The following STK32B variants were observed in gnomAD, a reference collection of about 807,000 sequenced individuals.
STK32B encodes the protein serine/threonine-protein kinase 32B.
STK32B carries 43 observed loss-of-function variants against 52.6 expected under a neutral mutation model. The observed-to-expected ratio is 0.82, with a 90% confidence interval of 0.64 to 1.05. The LOEUF is 1.05. STK32B is among the 50% of genes least tolerant of loss of function. The probability of loss-of-function intolerance (pLI) is 0.00; values close to 1 mark genes in which losing one functional copy is unlikely to be tolerated. For missense variants in STK32B, 621 were observed against 534.6 expected (o/e 1.16, Z -1.59); for synonymous variants, 238 against 204.3 (o/e 1.17, Z -1.41).
intron 3 of STK32B, among the ~76,000 whole-genome samples, chr4:5,249,090 AAAT>A (rs1464421721): frequency 1.5e-4 from 22 of 146,764 alleles, no homozygotes; most frequent in African/African-American, 5.1e-4. Flanking sequence ...TAAAAAAATA[AAAT>A]AAAGATACTA....
intron 5 of STK32B, among the ~76,000 whole-genome samples, chr4:5,405,470 G>A (rs554668225): frequency 7.2e-5 from 11 of 152,286 alleles, no homozygotes; most frequent in South Asian, 2.1e-4. Flanking sequence ...AATCCCCAAG[G>A]TGATGGTGTT....
chr4:5,472,620 TAAG>T (rs1353127637), intron 11 of STK32B, among the ~76,000 whole-genome samples: 1 of 152,196 alleles, frequency 6.6e-6, no homozygotes, highest in Non-Finnish European at 1.5e-5. Context: ...TTTTGCAGAA[TAAG>T]AAGCTCCTGG....
At chr4:5,318,104 T>C (rs1177550864) in intron 3 of STK32B, among the ~76,000 whole-genome samples, 2 of 151,044 alleles carry the variant, frequency 1.3e-5, no homozygotes, top group Non-Finnish European at 3.0e-5. Context: ...CTTGTGCACG[T>C]GTGTGTGTGT....
At chr4:5,333,782 G>A (rs942753464) in intron 4 of STK32B, among the ~76,000 whole-genome samples, 3 of 151,804 alleles carry the variant, frequency 2.0e-5, no homozygotes, top group Non-Finnish European at 2.9e-5. Flanking sequence ...AGATCAGATA[G>A]TTGTAGATAT....
intron 3 of STK32B, among the ~76,000 whole-genome samples, chr4:5,299,204 G>C (rs1729398659): frequency 6.6e-6 from 1 of 151,984 alleles, no homozygotes; most frequent in African/African-American, 2.4e-5. Flanking sequence ...TTTTGCGTTG[G>C]TCTCGCTGGG....
At chr4:5,134,168 G>T (rs1020530770) in intron 1 of STK32B, among the ~76,000 whole-genome samples, 1 of 152,156 alleles carries the variant, frequency 6.6e-6, no homozygotes, top group Non-Finnish European at 1.5e-5. Flanking sequence ...GAAGGGCATC[G>T]CAGGCCCAGA....
At chr4:5,319,446 C>T (rs1209598831) in intron 3 of STK32B, among the ~76,000 whole-genome samples, 1 of 152,184 alleles carries the variant, frequency 6.6e-6, no homozygotes, top group African/African-American at 2.4e-5. Flanking sequence ...AGGACTTTCT[C>T]CTGTTTCCAA....
In STK32B at chr4:5,285,044, G is replaced by A. The variant is rs1728457849; in HGVS notation, c.261-46176G>A. Among the ~76,000 whole-genome samples, 4 of 152,214 alleles carry A rather than the reference G, an allele frequency of 2.6e-5. No individual in the cohort carries two copies. In the South Asian group the frequency reaches 8.3e-4, roughly 32 times the overall value. ...TTATAAACAGAGATGTAAACTTACA[G>A]TATCAATATAAAGTACAGTATTGTA... On this transcript the variant is annotated intron_variant, in intron 3 of 11. Coordinates refer to ENST00000282908, the MANE Select transcript of STK32B (RefSeq NM_018401.3).
chr4:5,025,327 CA>C, the STK32B span, among the ~76,000 whole-genome samples: 2 of 152,068 alleles, frequency 1.3e-5, no homozygotes, highest in African/African-American at 2.4e-5. Context: ...AGCACCCGTC[CA>C]GGGGGGAGGT....
intron 4 of STK32B, among the ~76,000 whole-genome samples, chr4:5,358,454 C>T (rs1295744570): frequency 6.6e-6 from 1 of 152,182 alleles, no homozygotes; most frequent in Non-Finnish European, 1.5e-5. Context: ...TTCCCGTGTT[C>T]TCCCTCCAGC....
At chr4:5,337,770 G>A (rs1305395822) in intron 4 of STK32B, among the ~76,000 whole-genome samples, 1 of 152,002 alleles carries the variant, frequency 6.6e-6, no homozygotes, top group African/African-American at 2.4e-5. Flanking sequence ...ACGTTGTACA[G>A]GACAACATCT....
intron 3 of STK32B, among the ~76,000 whole-genome samples, chr4:5,244,513 T>G (rs1375444215): frequency 6.7e-6 from 1 of 149,924 alleles, no homozygotes; most frequent in African/African-American, 2.5e-5. Flanking sequence ...TTTGTTGATC[T>G]TTTGAAAAAA....
At position 5,446,823 on chromosome 4, in the gene STK32B, G is replaced by A. The variant is rs558556393; in HGVS notation, c.666+47G>A. On this transcript the variant is annotated intron_variant, in intron 7 of 11. Transcript: ENST00000282908. ...TACACACGAGGGGCTGTGCAGTGGG[G>A]GCTCACGTTGTACCTGGACGGGCAG... is the stretch of plus-strand genomic sequence containing the variant. 29 of 1,590,316 alleles carry A rather than the reference G, an allele frequency of 1.8e-5. No homozygotes were observed. The Admixed American group carries it at 2.5e-4, about 14-fold the overall frequency.
At chr4:5,428,301 GGGAGGCTGA>G (rs1713267335) in intron 6 of STK32B, among the ~76,000 whole-genome samples, 2 of 152,070 alleles carry the variant, frequency 1.3e-5, no homozygotes, top group South Asian at 4.2e-4. Context: ...CCAACTACTC[GGGAGGCTGA>G]GGCAGGAGAA....
intron 11 of STK32B, among the ~76,000 whole-genome samples, chr4:5,472,427 T>C (rs1717916692): frequency 6.6e-6 from 1 of 152,246 alleles, no homozygotes; most frequent in African/African-American, 2.4e-5. Context: ...TGGTCTCAGC[T>C]GGCAAAAGGC....
chr4:5,313,662 C>A (rs758063127), intron 3 of STK32B, among the ~76,000 whole-genome samples: 2 of 151,960 alleles, frequency 1.3e-5, no homozygotes, highest in African/African-American at 2.4e-5. Flanking sequence ...TGTGTATGTG[C>A]GTGTGTGTGC....
intron 11 of STK32B, among the ~76,000 whole-genome samples, chr4:5,483,687 C>G (rs564145475): frequency 1.3e-4 from 20 of 152,166 alleles, no homozygotes; most frequent in Non-Finnish European, 2.6e-4. Flanking sequence ...GTTAGGGTAT[C>G]AATTTTAGAT....
intron 3 of STK32B, among the ~76,000 whole-genome samples, chr4:5,279,272 C>T (rs1728040079): frequency 1.3e-5 from 2 of 152,208 alleles, no homozygotes; most frequent in South Asian, 4.1e-4. Context: ...TGGGTAAATG[C>T]CCCTATTCCA....
intron 3 of STK32B, among the ~76,000 whole-genome samples, chr4:5,187,168 G>A (rs986556117): frequency 6.6e-6 from 1 of 152,222 alleles, no homozygotes; most frequent in Admixed American, 6.5e-5. Flanking sequence ...ACGTGGAAGA[G>A]CCAGGATTCT....
Sources: gnomAD v4.1 joint callset for allele counts (sites outside exome capture counted in the v4.1 genomes callset) on GRCh38, gnomAD v4.1.1 for gene constraint, MANE v1.5 for transcripts, NCBI Gene and HGNC (gene_info 2026-07-23, HGNC 2026-07-21) for gene names.